The following MYH11 variants were observed in gnomAD, a reference collection of about 807,000 sequenced individuals.
MYH11 encodes myosin-11.
A neutral mutation model predicts 246.6 loss-of-function variants in MYH11; 80 were observed. The ratio of observed to expected loss-of-function variants is 0.32; its 90% CI spans 0.27 to 0.39. The LOEUF is 0.39. Among genes scored for constraint, MYH11 ranks in the 10% least tolerant of loss-of-function variants. The pLI is 1.00. For synonymous variants in MYH11, 1,071 were observed against 1,015.5 expected, an observed-to-expected ratio of 1.05 and a Z score of -1.04; for missense variants, 2,158 against 2,546.8, an observed-to-expected ratio of 0.85 and a Z score of 3.29.
In MYH11 at chr16:15,721,250, G is replaced by A. The variant is rs373624610; in HGVS notation, c.4578+172C>T. On this transcript the variant is annotated intron_variant, in intron 32 of 40. Coordinates refer to ENST00000300036, the MANE Select transcript of MYH11 (RefSeq NM_002474.3). Reference sequence around the variant, plus strand: ...GACCCCCCAACTCAGACCCATCCTCGACTGCCATTCTCAGCCCCTCCCAGC... The same window carrying A: ...GACCCCCCAACTCAGACCCATCCTCAACTGCCATTCTCAGCCCCTCCCAGC... 16 of 945,302 alleles carry A rather than the reference G, an allele frequency of 1.7e-5. No individual in the cohort carries two copies. The East Asian group carries it at 3.4e-4, about 20-fold the overall frequency. The allele number at this position is 945,302 out of a possible 1,614,324, so 58.6% of individuals were successfully genotyped here. A position where few individuals can be genotyped will look rare whatever the true frequency, so the allele number is the denominator to read the frequency against.
At chr16:15,749,808 A>G in intron 16 of MYH11, 1 of 461,436 alleles carries the variant, frequency 2.2e-6, no homozygotes, top group South Asian at 3.2e-5. Context: ...AGATTATGAG[A>G]AACCCACAGG....
intron 26 of MYH11, 118 bp downstream of exon 26, chr16:15,735,248 C>T: frequency 1.8e-6 from 2 of 1,114,804 alleles, no homozygotes; most frequent in Non-Finnish European, 2.7e-6. Context: ...CAAACCGCGG[C>T]CAGGAAGGTA....
intron 5 of MYH11, chr16:15,785,693 G>A (rs1289472498): frequency 6.6e-6 from 1 of 152,184 alleles, no homozygotes; most frequent in African/African-American, 2.4e-5. Flanking sequence ...GCAGACGGAG[G>A]CACCGGCCAG....
chr16:15,801,819 T>A (rs904791448), intron 3 of MYH11, among the ~76,000 whole-genome samples: 1 of 151,836 alleles, frequency 6.6e-6, no homozygotes, highest in African/African-American at 2.4e-5. Context: ...TAGCTGGGCA[T>A]GGTAGCATGC....
chr16:15,718,451 C>T lies in MYH11; in HGVS notation c.5172-13G>A, dbSNP rs373378619. 207 of 1,549,502 alleles carry T rather than the reference C, an allele frequency of 1.3e-4. 1 individual carries two copies. Among genetic ancestry groups the T allele is most frequent in the African/African-American group, 8.1e-5 (6 of 73,672 alleles). The stretch of plus-strand genomic sequence containing the variant: ...CTGGAGTGCGTTCCTGGGGGAAGGG[C>T]GGCCATGGTGGGGGCCTCTACCCTC... On this transcript the variant is annotated splice_polypyrimidine_tract_variant and intron_variant, in intron 36 of 40. Coordinates refer to ENST00000300036, the MANE Select transcript of MYH11 (RefSeq NM_002474.3).
chr16:15,840,618 G>C (rs1015475532), intron 1 of MYH11, among the ~76,000 whole-genome samples: 1 of 152,094 alleles, frequency 6.6e-6, no homozygotes, highest in African/African-American at 2.4e-5. Flanking sequence ...TACGGTTCCA[G>C]CTACTCAGGA....
At position 15,782,486 on chromosome 16, in the gene MYH11, C is replaced by T; in HGVS notation, c.634-9G>A. ...TGCTTTTCCAGCTCTCCCTAAAATTCATTCACATCTAGTTATTGGAGAAAG... is the reference window on the plus strand; with the variant it reads ...TGCTTTTCCAGCTCTCCCTAAAATTTATTCACATCTAGTTATTGGAGAAAG... On this transcript the variant is annotated splice_polypyrimidine_tract_variant and intron_variant, in intron 5 of 40. Transcript: ENST00000300036. The T allele has an allele frequency of 6.2e-7, 1 of 1,612,874 alleles. No homozygotes were observed. Among genetic ancestry groups the T allele is most frequent in the Non-Finnish European group, 8.5e-7 (1 of 1,179,020 alleles).
intron 2 of MYH11, among the ~76,000 whole-genome samples, chr16:15,830,412 T>C (rs1042721863): frequency 6.6e-6 from 1 of 152,168 alleles, no homozygotes; most frequent in Non-Finnish European, 1.5e-5. Flanking sequence ...GCTTAATCAT[T>C]ATGGTTCATC....
chr16:15,798,820 T>A, intron 3 of MYH11, 133 bp from the exon 4 acceptor site: 1 of 964,884 alleles, frequency 1.0e-6, no homozygotes, highest in South Asian at 1.5e-5. Context: ...TGACAACAGG[T>A]CAGCTGGGCT....
chr16:15,782,715 G>T (rs547766301), intron 5 of MYH11: 65 of 512,684 alleles, frequency 1.3e-4, no homozygotes, highest in African/African-American at 1.2e-3. Context: ...CTTTTTTCAA[G>T]ACCAGGGCCT....
chr16:15,725,861 T>C (rs967957659), intron 28 of MYH11: 6 of 394,832 alleles, frequency 1.5e-5, no homozygotes, highest in Non-Finnish European at 2.2e-5. Context: ...CAGCTTCACA[T>C]TGCCCAGAGT....
chr16:15,805,357 T>C (rs1313046810), intron 3 of MYH11, among the ~76,000 whole-genome samples: 2 of 149,652 alleles, frequency 1.3e-5, no homozygotes, highest in Non-Finnish European at 2.9e-5. Flanking sequence ...TTAGTAATTA[T>C]CATCATTGTG....
At chr16:15,738,029 G>A (rs979586041) in intron 24 of MYH11, among the ~76,000 whole-genome samples, 13 of 151,920 alleles carry the variant, frequency 8.6e-5, no homozygotes, top group African/African-American at 3.1e-4. Flanking sequence ...CTCGTGATCC[G>A]CCCACCTCGG....
chr16:15,763,741 T>TG, intron 10 of MYH11, 55 bp downstream of exon 10: 3 of 646,856 alleles, frequency 4.6e-6, no homozygotes, highest in Non-Finnish European at 8.7e-6. Flanking sequence ...AAATGTCACC[T>TG]CCCCCACCCC....
At chr16:15,780,271 T>TG (rs765487404) in intron 6 of MYH11, among the ~76,000 whole-genome samples, 1,742 of 142,508 alleles carry the variant, frequency 0.012, 33 homozygotes, top group African/African-American at 0.04. Context: ...TGTCACATGT[T>TG]GGGGGGGGGC....
At chr16:15,796,780 G>A (rs187098263) in intron 4 of MYH11, among the ~76,000 whole-genome samples, 1 of 152,184 alleles carries the variant, frequency 6.6e-6, no homozygotes, top group South Asian at 2.1e-4. Context: ...AAGATACCAT[G>A]CTGCAGGATT....
chr16:15,721,743 G>T, intron 31 of MYH11, 109 bp from the exon 32 acceptor site: 2 of 1,113,374 alleles, frequency 1.8e-6, no homozygotes, highest in Non-Finnish European at 2.7e-6. Context: ...TGAGGTGCAG[G>T]TGTAAGCAGT....
intron 3 of MYH11, among the ~76,000 whole-genome samples, chr16:15,812,109 G>A (rs1009468121): frequency 5.3e-5 from 8 of 152,284 alleles, no homozygotes; most frequent in Middle Eastern, 3.4e-3. Context: ...ACAGCCTTCC[G>A]TGGGATTGAG....
intron 26 of MYH11, among the ~76,000 whole-genome samples, chr16:15,733,845 T>C (rs1313090504): frequency 6.6e-6 from 1 of 152,196 alleles, no homozygotes; most frequent in African/African-American, 2.4e-5. Flanking sequence ...ACCTGGCCCA[T>C]GCACTGGGCT....
Sources: allele counts gnomAD v4.1 joint callset (sites outside exome capture counted in the v4.1 genomes callset), GRCh38; gene constraint gnomAD v4.1.1; transcripts MANE v1.5; gene names NCBI Gene and HGNC (gene_info 2026-07-23, HGNC 2026-07-21).